CTDSPL2: variants seen among roughly 807,000 people sequenced by gnomAD.
The protein encoded by CTDSPL2 is CTD small phosphatase-like protein 2.
In CTDSPL2, 5 loss-of-function variants were observed where a neutral mutation model predicts 60.0. The observed-to-expected ratio is 0.08, with a 90% CI of 0.04 to 0.18. The LOEUF (loss-of-function observed/expected upper bound fraction) is 0.18. Ranked by LOEUF, CTDSPL2 falls within the 10% of genes least tolerant of loss-of-function variation. CTDSPL2 has a pLI of 1.00. For synonymous variants in CTDSPL2, 186 were observed against 189.3 expected (o/e 0.98, Z 0.14); for missense variants, 370 against 548.8 (o/e 0.67, Z 3.26).
At position 44,459,194 on chromosome 15, in the gene CTDSPL2, A is replaced by T. The variant is rs534775326; in HGVS notation, c.180A>T (p.Thr60=). 1 of 1,600,250 alleles carries T rather than the reference A, an allele frequency of 6.2e-7. No individual in the cohort carries two copies. The highest frequency in any genetic ancestry group is 1.8e-5 in the Admixed American group (1 of 57,140). ...TTAAAAAATTTATTAAAGGAAGCAC[A>T]CCTAAGGTAATGATTTTACCATATA... ...SSIKKFIKGS[T]PKEERENPSK... Residue 60 remains threonine (T), a synonymous_variant, in exon 2 of 13, where the codon ACA becomes ACT. Transcript: ENST00000260327.
At chr15:44,443,736 A>C (rs1288685012) in intron 1 of CTDSPL2, among the ~76,000 whole-genome samples, 2 of 152,098 alleles carry the variant, frequency 1.3e-5, no homozygotes, top group Non-Finnish European at 2.9e-5. Context: ...AGCCTATTCA[A>C]GTCCTTTGCA....
intron 8 of CTDSPL2, among the ~76,000 whole-genome samples, chr15:44,505,626 C>T (rs564653653): frequency 3.3e-5 from 5 of 151,062 alleles, no homozygotes; most frequent in Admixed American, 2.0e-4. Flanking sequence ...CTCAGCTACT[C>T]GGGAGGCTGA....
intron 8 of CTDSPL2, among the ~76,000 whole-genome samples, chr15:44,502,585 A>AAAAGC (rs2081397795): frequency 6.6e-6 from 1 of 152,192 alleles, no homozygotes; most frequent in Non-Finnish European, 1.5e-5. Context: ...ACATAAATGA[A>AAAAGC]AAAGCATGAC....
chr15:44,477,401 G>T (rs1481431385), intron 2 of CTDSPL2, among the ~76,000 whole-genome samples: 2 of 152,042 alleles, frequency 1.3e-5, no homozygotes, highest in African/African-American at 4.8e-5. Context: ...TGCTGGACTT[G>T]GTGTGTGCCT....
rs1342601942 is a variant in CTDSPL2, at chr15:44,429,865, C to CA, written c.-25+2102dup. Among the ~76,000 whole-genome samples, 17 of 150,172 alleles carry CA rather than the reference C, an allele frequency of 1.1e-4. No homozygotes were observed. In the South Asian group the frequency reaches 1.3e-3, roughly 11 times the overall value. On this transcript the variant is annotated intron_variant, in intron 1 of 12. Coordinates refer to ENST00000260327, the MANE Select transcript of CTDSPL2 (RefSeq NM_016396.3). ...CTGGTGACAGAGCGAGACTCCGTCT[C>CA]AAAAAAAAAGAATGTAAAAGCTATA... is the stretch of plus-strand genomic sequence containing the variant.
intron 2 of CTDSPL2, among the ~76,000 whole-genome samples, chr15:44,466,055 T>G (rs1466533502): frequency 6.6e-6 from 1 of 151,982 alleles, no homozygotes; most frequent in Non-Finnish European, 1.5e-5. Context: ...CTGCCTCAGC[T>G]TCCTGAGTAG....
chr15:44,472,105 G>T (rs2080822693), intron 2 of CTDSPL2, among the ~76,000 whole-genome samples: 1 of 151,878 alleles, frequency 6.6e-6, no homozygotes, highest in South Asian at 2.1e-4. Flanking sequence ...ATCAATTAAT[G>T]AACATTTGGA....
chr15:44,431,749 G>A lies in CTDSPL2; in HGVS notation c.-25+3977G>A, dbSNP rs180987741. Among the ~76,000 whole-genome samples the A allele has an allele frequency of 5.7e-5, 8 of 140,816 alleles. No homozygotes were observed. In the South Asian group the frequency reaches 1.3e-3, roughly 23 times the overall value. 92.4% of individuals were successfully genotyped at this position (140,816 alleles called of 152,430 possible). A position where few individuals can be genotyped will look rare whatever the true frequency, so the allele number is the denominator to read the frequency against. On this transcript the variant is annotated intron_variant, in intron 1 of 12. Coordinates refer to ENST00000260327, the MANE Select transcript of CTDSPL2 (RefSeq NM_016396.3). ...TTTTTTTTTTTTGAGACAGAGTTTC[G>A]CTCTTGTTCCCCAGCCTGGAGTGCA... is the stretch of plus-strand genomic sequence containing the variant.
At chr15:44,431,862 C>A (rs756810504) in intron 1 of CTDSPL2, among the ~76,000 whole-genome samples, 1 of 151,252 alleles carries the variant, frequency 6.6e-6, no homozygotes, top group Non-Finnish European at 1.5e-5. Flanking sequence ...GGATTACAGG[C>A]GCCCACCACG....
intron 10 of CTDSPL2, chr15:44,516,711 T>C (rs1013898916): frequency 7.2e-5 from 11 of 152,250 alleles, no homozygotes; most frequent in African/African-American, 2.7e-4. Flanking sequence ...ATGATAGTCA[T>C]GTTATGACAA....
chr15:44,434,357 G>A (rs2141259401), intron 1 of CTDSPL2, among the ~76,000 whole-genome samples: 1 of 152,266 alleles, frequency 6.6e-6, no homozygotes, highest in Middle Eastern at 3.4e-3. Flanking sequence ...CTGAGATCGT[G>A]CCACTGCACT....
chr15:44,521,356 G>T lies in CTDSPL2; in HGVS notation c.1285G>T (p.Asp429Tyr). The change falls in exon 12 of 13, where the codon GAC becomes TAC. Residue 429 changes from aspartate to tyrosine, a missense_variant. Asp to Tyr is a radical substitution (Grantham distance 160). Coordinates refer to ENST00000260327, the MANE Select transcript of CTDSPL2 (RefSeq NM_016396.3). ...AGAAAGTTGGTTTATGGATAAAAAT[G>T]ACAATGAACTCCTAAAATTGATTCC... ...PIESWFMDKN[D>Y]NELLKLIPFL... The T allele has an allele frequency of 1.3e-6, 2 of 1,591,920 alleles. No homozygotes were observed. Among genetic ancestry groups the T allele is most frequent in the South Asian group, 2.2e-5 (2 of 89,372 alleles).
intron 2 of CTDSPL2, among the ~76,000 whole-genome samples, chr15:44,475,119 A>G (rs1478537784): frequency 1.3e-5 from 2 of 152,080 alleles, no homozygotes; most frequent in Non-Finnish European, 1.5e-5. Flanking sequence ...GTCCGGCCAC[A>G]TTAATAAGGC....
chr15:44,495,613 T>C (rs2081285995), intron 5 of CTDSPL2, among the ~76,000 whole-genome samples: 1 of 150,520 alleles, frequency 6.6e-6, no homozygotes, highest in South Asian at 2.1e-4. Context: ...TTAAAATAAA[T>C]CTTCAAAGGG....
chr15:44,513,140 G>A (rs550045784), intron 8 of CTDSPL2, among the ~76,000 whole-genome samples: 1 of 151,578 alleles, frequency 6.6e-6, no homozygotes, highest in Non-Finnish European at 1.5e-5. Flanking sequence ...TGGGGACAGA[G>A]TGATATTATT....
At chr15:44,514,982 T>G (rs1398830342) in intron 10 of CTDSPL2, 138 bp downstream of exon 10, 2 of 554,374 alleles carry the variant, frequency 3.6e-6, no homozygotes, top group Non-Finnish European at 6.4e-6. Context: ...TTTAAGCCCC[T>G]AAACTCTTTA....
In CTDSPL2 at chr15:44,433,355, A is replaced by G. The variant is rs566409287; in HGVS notation, c.-25+5583A>G. Among the ~76,000 whole-genome samples, 35 of 151,772 alleles carry G rather than the reference A, an allele frequency of 2.3e-4. 1 individual carries two copies. The South Asian group carries it at 7.3e-3, about 32-fold the overall frequency. On this transcript the variant is annotated intron_variant, in intron 1 of 12. Coordinates refer to ENST00000260327, the MANE Select transcript of CTDSPL2 (RefSeq NM_016396.3). ...GAAAAAAAAAAAAAAAAAAAGGACA[A>G]AAAACAGCCGAAACAGTGTACTAGT...
At chr15:44,521,670 G>A (rs1396401604) in intron 12 of CTDSPL2, among the ~76,000 whole-genome samples, 1 of 151,986 alleles carries the variant, frequency 6.6e-6, no homozygotes, top group Non-Finnish European at 1.5e-5. Context: ...CGGGCGCGGT[G>A]GCTCACGCCT....
chr15:44,440,314 G>A (rs901902289), intron 1 of CTDSPL2, among the ~76,000 whole-genome samples: 2 of 151,534 alleles, frequency 1.3e-5, no homozygotes, highest in African/African-American at 2.4e-5. Context: ...TCCTGCCTCA[G>A]CCTCCGGAGT....
Sources: gnomAD v4.1 joint callset for allele counts (sites outside exome capture counted in the v4.1 genomes callset) on GRCh38, gnomAD v4.1.1 for gene constraint, MANE v1.5 for transcripts, NCBI Gene and HGNC (gene_info 2026-07-23, HGNC 2026-07-21) for gene names.